Variants in PDCD10 observed in about 807,000 individuals in gnomAD.
PDCD10 encodes programmed cell death protein 10.
PDCD10 carries 4 observed loss-of-function variants against 29.2 expected under a neutral mutation model. The observed-to-expected ratio is 0.14, with a 90% CI of 0.07 to 0.31. PDCD10 has a LOEUF of 0.31. PDCD10 is among the 10% of genes least tolerant of loss of function. The pLI is 1.00. For missense variants in PDCD10, 183 were observed against 257.9 expected (o/e 0.71, Z 1.99); for synonymous variants, 70 against 82.2 (o/e 0.85, Z 0.80).
At chr3:167,725,004 C>T (rs1213422694) in intron 2 of PDCD10, among the ~76,000 whole-genome samples, 1 of 152,088 alleles carries the variant, frequency 6.6e-6, no homozygotes, top group Non-Finnish European at 1.5e-5. Flanking sequence ...TGCCTGTAAT[C>T]CCAGCACTTT....
At chr3:167,697,676 AT>A (rs1720954186) in intron 4 of PDCD10, among the ~76,000 whole-genome samples, 1 of 152,118 alleles carries the variant, frequency 6.6e-6, no homozygotes, top group Non-Finnish European at 1.5e-5. Context: ...TTCATTTCCT[AT>A]TTTATTTTTG....
chr3:167,705,028 A>C, intron 3 of PDCD10, 133 bp from the exon 4 acceptor site: 1 of 552,180 alleles, frequency 1.8e-6, no homozygotes, highest in Non-Finnish European at 3.2e-6. Context: ...ATTGTACATC[A>C]CCGTAATTCT....
chr3:167,714,812 C>A (rs1722854877), intron 3 of PDCD10, among the ~76,000 whole-genome samples: 1 of 151,802 alleles, frequency 6.6e-6, no homozygotes, highest in Non-Finnish European at 1.5e-5. Flanking sequence ...GAAAGATATT[C>A]TATGTTAATG....
chr3:167,704,607 T>C, intron 4 of PDCD10: 2 of 420,796 alleles, frequency 4.8e-6, no homozygotes, highest in South Asian at 6.5e-5. Context: ...GAGAGAACAC[T>C]CTGAAAAACT....
intron 6 of PDCD10, among the ~76,000 whole-genome samples, chr3:167,693,260 T>C (rs190169774): frequency 1.5e-4 from 23 of 152,374 alleles, no homozygotes; most frequent in Admixed American, 6.5e-5. Context: ...ATCAGTTGTG[T>C]TGAGGATCAG....
chr3:167,728,404 C>G (rs1023266362), intron 2 of PDCD10, among the ~76,000 whole-genome samples: 8 of 152,046 alleles, frequency 5.3e-5, no homozygotes, highest in African/African-American at 1.9e-4. Flanking sequence ...AGGAGGCAGC[C>G]GGTGTGTAAC....
intron 8 of PDCD10, among the ~76,000 whole-genome samples, chr3:167,686,252 T>G (rs1719618176): frequency 6.6e-6 from 1 of 152,226 alleles, no homozygotes; most frequent in Non-Finnish European, 1.5e-5. Context: ...TGTTAAAATA[T>G]ATAAAATCTC....
At chr3:167,726,708 A>T (rs553105713) in intron 2 of PDCD10, among the ~76,000 whole-genome samples, 5 of 152,324 alleles carry the variant, frequency 3.3e-5, no homozygotes, top group African/African-American at 1.2e-4. Context: ...TTTAGCCAAA[A>T]TTCTAGGAAC....
chr3:167,704,724 G>C, intron 4 of PDCD10, 118 bp downstream of exon 4: 1 of 721,028 alleles, frequency 1.4e-6, no homozygotes. Flanking sequence ...TAGTAAAACA[G>C]GCATAAGATG....
intron 2 of PDCD10, among the ~76,000 whole-genome samples, chr3:167,732,111 A>G (rs957825277): frequency 6.6e-6 from 1 of 152,184 alleles, no homozygotes; most frequent in African/African-American, 2.4e-5. Context: ...AAGTCACGTT[A>G]AGTCTTCTTC....
At chr3:167,693,977 G>A (rs1241812309) in intron 6 of PDCD10, among the ~76,000 whole-genome samples, 1 of 151,862 alleles carries the variant, frequency 6.6e-6, no homozygotes, top group Non-Finnish European at 1.5e-5. Flanking sequence ...ATGAAATGCA[G>A]GACTGCGACT....
intron 2 of PDCD10, among the ~76,000 whole-genome samples, chr3:167,726,131 T>C (rs982084496): frequency 3.7e-4 from 53 of 144,386 alleles, no homozygotes; most frequent in African/African-American, 1.3e-3. Flanking sequence ...TTTTTTTTTT[T>C]TTTTTTTGAG....
At chr3:167,689,179 T>A (rs1719956451) in intron 6 of PDCD10, among the ~76,000 whole-genome samples, 1 of 152,218 alleles carries the variant, frequency 6.6e-6, no homozygotes, top group Non-Finnish European at 1.5e-5. Flanking sequence ...TTTAATTAGA[T>A]AACTATTCCT....
chr3:167,689,433 G>C (rs1208292936), intron 6 of PDCD10, among the ~76,000 whole-genome samples: 1 of 152,184 alleles, frequency 6.6e-6, no homozygotes, highest in Non-Finnish European at 1.5e-5. Flanking sequence ...ACTTTGTAGT[G>C]TATTTCAATA....
intron 4 of PDCD10, 105 bp downstream of exon 4, chr3:167,704,737 T>A (rs1039447715): frequency 3.8e-6 from 3 of 798,518 alleles, no homozygotes; most frequent in Non-Finnish European, 6.6e-6. Flanking sequence ...ATAAGATGGC[T>A]AAAAAGGCTT....
chr3:167,704,037 C>A (rs565117392), intron 4 of PDCD10, among the ~76,000 whole-genome samples: 1 of 152,256 alleles, frequency 6.6e-6, no homozygotes, highest in East Asian at 1.9e-4. Flanking sequence ...TGATAACCCA[C>A]TGAACAGCTC....
intron 6 of PDCD10, among the ~76,000 whole-genome samples, chr3:167,690,440 T>C (rs1720101525): frequency 6.6e-6 from 1 of 152,200 alleles, no homozygotes. Flanking sequence ...AAATAAACCT[T>C]GCTGAATTTT....
At chr3:167,707,742 G>GT (rs1722126686) in intron 3 of PDCD10, among the ~76,000 whole-genome samples, 1 of 152,068 alleles carries the variant, frequency 6.6e-6, no homozygotes, top group East Asian at 1.9e-4. Flanking sequence ...CTTCTTAGTA[G>GT]TAACTGACAG....
At position 167,714,089 on chromosome 3, in the gene PDCD10, C is replaced by T. The variant is rs187533812; in HGVS notation, c.96+5973G>A. 4.9e-3 allele frequency among the ~76,000 whole-genome samples: 747 copies of T among 151,986 alleles called. 6 individuals carry two copies. Among genetic ancestry groups the T allele is most frequent in the African/African-American group, 0.017 (701 of 41,542 alleles). On this transcript the variant is annotated intron_variant, in intron 3 of 8. Transcript: ENST00000392750. Reference sequence around the variant, plus strand: ...CCCTGATACCAAATCTGGGCAAAGACACATCAAAAAAGGAAAACTACAGGC... The same window carrying T: ...CCCTGATACCAAATCTGGGCAAAGATACATCAAAAAAGGAAAACTACAGGC...
Sources: gnomAD v4.1 joint callset for allele counts (sites outside exome capture counted in the v4.1 genomes callset) on GRCh38, gnomAD v4.1.1 for gene constraint, MANE v1.5 for transcripts, NCBI Gene and HGNC (gene_info 2026-07-23, HGNC 2026-07-21) for gene names.